Variants in UST observed in about 807,000 individuals in gnomAD.
UST encodes chondroitin sulfate 2-O-sulfotransferase.
UST carries 21 observed loss-of-function variants against 45.6 expected under a neutral mutation model. The observed-to-expected ratio is 0.46, with a 90% confidence interval of 0.33 to 0.66. The LOEUF is 0.66. UST is among the 30% of genes least tolerant of loss of function. The probability of loss-of-function intolerance (pLI) is 0.02; values close to 1 mark genes in which losing one functional copy is unlikely to be tolerated. For synonymous variants in UST, 215 were observed against 200.6 expected (o/e 1.07, Z -0.61); for missense variants, 463 against 512.4 (o/e 0.90, Z 0.93).
chr6:148,866,880 G>A (rs1275639473), intron 1 of UST, among the ~76,000 whole-genome samples: 2 of 103,140 alleles, frequency 1.9e-5, no homozygotes, highest in Middle Eastern at 4.0e-3. Context: ...ATCTTTTTAC[G>A]ACCTCCACAA....
chr6:148,919,741 T>C (rs1362496101), intron 2 of UST, among the ~76,000 whole-genome samples: 3 of 152,326 alleles, frequency 2.0e-5, no homozygotes, highest in Admixed American at 2.0e-4. Context: ...TAATCTATGG[T>C]CATTATTTCT....
chr6:148,837,345 T>C (rs936110296), intron 1 of UST, among the ~76,000 whole-genome samples: 1 of 152,166 alleles, frequency 6.6e-6, no homozygotes, highest in Non-Finnish European at 1.5e-5. Flanking sequence ...GAGAACCTAG[T>C]AGCAAAGAGT....
rs113329198 is a variant in UST, at chr6:148,849,949, C to T, written c.248-37037C>T. On this transcript the variant is annotated intron_variant, in intron 1 of 7. Transcript: ENST00000367463. ...TTATATAGTTACATATATATAGTTA[C>T]AGTTATACAGTGCTTACTGCTTATT... 3.4e-3 allele frequency among the ~76,000 whole-genome samples: 516 copies of T among 152,132 alleles called. 3 individuals are homozygous for T. Among genetic ancestry groups the T allele is most frequent in the African/African-American group, 0.012 (502 of 41,478 alleles).
Position 148,754,088 on chromosome 6 carries a change from A to G in UST, c.247+6411A>G, listed in dbSNP as rs571999135. On this transcript the variant is annotated intron_variant, in intron 1 of 7. Coordinates refer to ENST00000367463, the MANE Select transcript of UST (RefSeq NM_005715.3). ...CAGCTCACTGCAAGCTCTGCCTCCC[A>G]GGTACACGCCATTCTCCTGCCTCAG... Among the ~76,000 whole-genome samples, 520 of 149,798 alleles carry G rather than the reference A, an allele frequency of 3.5e-3. 4 individuals carry two copies. The highest frequency in any genetic ancestry group is 0.012 in the African/African-American group (487 of 40,616).
chr6:148,900,215 G>T (rs1779222788), intron 2 of UST, among the ~76,000 whole-genome samples: 2 of 152,130 alleles, frequency 1.3e-5, no homozygotes, highest in Non-Finnish European at 1.5e-5. Flanking sequence ...CTCTCCTGGG[G>T]TCTTCTTGCC....
At chr6:149,042,983 C>CTTTCTTTCTTT (rs1776339194) in intron 7 of UST, among the ~76,000 whole-genome samples, 3 of 115,634 alleles carry the variant, frequency 2.6e-5, no homozygotes, top group Non-Finnish European at 5.3e-5. Flanking sequence ...TTCTTTCTTT[C>CTTTCTTTCTTT]TTTCTTTCTT....
Position 148,888,076 on chromosome 6 carries a change from G to A in UST, c.291+1047G>A, listed in dbSNP as rs529973214. On this transcript the variant is annotated intron_variant, in intron 2 of 7. Coordinates refer to ENST00000367463, the MANE Select transcript of UST (RefSeq NM_005715.3). ...CTGGGTAATTTAAAAAATTCCACAG[G>A]CTGTATAGGAAGCATGATAGAGGCA... Among the ~76,000 whole-genome samples the A allele has an allele frequency of 3.9e-5, 6 of 152,244 alleles. No homozygotes were observed. In the South Asian group the frequency reaches 8.3e-4, roughly 21 times the overall value.
chr6:149,049,038 A>G (rs949141144), intron 7 of UST, among the ~76,000 whole-genome samples: 1 of 152,198 alleles, frequency 6.6e-6, no homozygotes. Flanking sequence ...TTGTGGTAGT[A>G]GGGGCATAGG....
intron 5 of UST, among the ~76,000 whole-genome samples, chr6:148,965,221 A>G (rs1780763224): frequency 6.6e-6 from 1 of 152,230 alleles, no homozygotes; most frequent in African/African-American, 2.4e-5. Flanking sequence ...TCCGCAGCAC[A>G]GAGGTTGGTA....
chr6:148,997,566 G>T (rs115607149), intron 5 of UST, among the ~76,000 whole-genome samples: 43,629 of 151,594 alleles, frequency 0.29, 6,382 homozygotes, highest in African/African-American at 0.36. Flanking sequence ...ATTATATGCA[G>T]GTACATCTTA....
chr6:148,805,256 T>C (rs529943589), intron 1 of UST, among the ~76,000 whole-genome samples: 1 of 152,362 alleles, frequency 6.6e-6, no homozygotes, highest in East Asian at 1.9e-4. Context: ...GTAAATGTCC[T>C]CAAGGGATTC....
At chr6:148,817,908 T>G (rs1777385815) in intron 1 of UST, among the ~76,000 whole-genome samples, 1 of 152,202 alleles carries the variant, frequency 6.6e-6, no homozygotes, top group Non-Finnish European at 1.5e-5. Flanking sequence ...GGATTTTATT[T>G]GTAATTTACA....
chr6:148,911,863 C>G (rs1282938775), intron 2 of UST, among the ~76,000 whole-genome samples: 1 of 152,054 alleles, frequency 6.6e-6, no homozygotes, highest in Admixed American at 6.5e-5. Context: ...AAGTGGTAAA[C>G]AGCCTCAAAT....
rs191556401 is a variant in UST at position 148,789,675 on chromosome 6, G to A, written c.247+41998G>A. On this transcript the variant is annotated intron_variant, in intron 1 of 7. Coordinates refer to ENST00000367463, the MANE Select transcript of UST (RefSeq NM_005715.3). ...AGTGATTCTCCTGTCTCAGCCTCCC[G>A]TAATTCAGAATTACGGAGGCTGAAT... 2.3e-3 allele frequency among the ~76,000 whole-genome samples: 342 copies of A among 151,820 alleles called. 1 individual carries two copies. Among genetic ancestry groups the A allele is most frequent in the African/African-American group, 7.5e-3 (312 of 41,384 alleles).
chr6:149,005,271 G>A (rs1368215750), intron 5 of UST: 2 of 984,908 alleles, frequency 2.0e-6, no homozygotes, highest in African/African-American at 1.7e-5. Flanking sequence ...CTTTTACTGG[G>A]AACTCCTTAC....
intron 1 of UST, among the ~76,000 whole-genome samples, chr6:148,778,761 T>C (rs1329741003): frequency 6.6e-6 from 1 of 152,166 alleles, no homozygotes; most frequent in Non-Finnish European, 1.5e-5. Flanking sequence ...GATTTAAGAA[T>C]TGAAACTCCA....
intron 2 of UST, among the ~76,000 whole-genome samples, chr6:148,919,531 A>G (rs76563518): frequency 0.013 from 1,985 of 152,242 alleles, 46 homozygotes; most frequent in African/African-American, 0.045. Context: ...AGCAGGGAAG[A>G]AGGTATGTCT....
At chr6:148,946,741 G>T (rs1780246464) in intron 3 of UST, among the ~76,000 whole-genome samples, 1 of 139,478 alleles carries the variant, frequency 7.2e-6, no homozygotes, top group Non-Finnish European at 1.5e-5. Context: ...CTGAACCTGG[G>T]AGGTGGAGCT....
chr6:149,041,218 C>G (rs772200653), intron 7 of UST, among the ~76,000 whole-genome samples: 1 of 152,212 alleles, frequency 6.6e-6, no homozygotes, highest in Non-Finnish European at 1.5e-5. Context: ...TGCTGACTTC[C>G]TCCTTGCCTG....
Sources: allele counts gnomAD v4.1 joint callset (sites outside exome capture counted in the v4.1 genomes callset), GRCh38; gene constraint gnomAD v4.1.1; transcripts MANE v1.5; gene names NCBI Gene and HGNC (gene_info 2026-07-23, HGNC 2026-07-21).